CPPED1: variants seen among roughly 807,000 people sequenced by gnomAD.
CPPED1 encodes serine/threonine-protein phosphatase CPPED1.
In CPPED1, 28 loss-of-function variants were observed where a neutral mutation model predicts 28.0. That is an observed-to-expected ratio of 1.00 (90% CI 0.74 to 1.37). The LOEUF (loss-of-function observed/expected upper bound fraction) is 1.37. Ranked by LOEUF, CPPED1 falls within the 40% of genes most tolerant of loss-of-function variation. The pLI, the probability that CPPED1 is intolerant of heterozygous loss-of-function variation, is 0.00. For missense variants in CPPED1, 504 were observed against 416.5 expected (o/e 1.21, Z -1.83); for synonymous variants, 198 against 180.2 (o/e 1.10, Z -0.79).
chr16:12,720,761 C>A (rs756017103), intron 2 of CPPED1, among the ~76,000 whole-genome samples: 5 of 152,198 alleles, frequency 3.3e-5, no homozygotes, highest in African/African-American at 4.8e-5. Flanking sequence ...TACAGGCGTG[C>A]GCCATCGTGC....
At position 12,663,828 on chromosome 16, in the gene CPPED1, T is replaced by G. The variant is rs1353809247; in HGVS notation, c.*1058A>C. On this transcript the variant is annotated 3_prime_UTR_variant, in exon 4 of 4. Coordinates refer to ENST00000381774, the MANE Select transcript of CPPED1 (RefSeq NM_018340.3). ...GGCTGTAAAGGAGAAAATTGAGCAG[T>G]GGTCAGAAGCTGCTGAGAAGATGCG... 6.6e-6 allele frequency: 1 copy of G among 152,186 alleles called. No individual in the cohort carries two copies. The highest frequency in any genetic ancestry group is 2.4e-5 in the African/African-American group (1 of 41,440). 9.4% of individuals were successfully genotyped at this position (152,186 alleles called of 1,614,324 possible).
At chr16:12,706,669 G>A (rs929154839) in intron 2 of CPPED1, among the ~76,000 whole-genome samples, 2 of 151,976 alleles carry the variant, frequency 1.3e-5, no homozygotes, top group Non-Finnish European at 2.9e-5. Flanking sequence ...GGCAGCCCCA[G>A]GGCCAGCCTG....
At chr16:12,725,633 C>T (rs1325742057) in intron 2 of CPPED1, among the ~76,000 whole-genome samples, 1 of 152,066 alleles carries the variant, frequency 6.6e-6, no homozygotes, top group Non-Finnish European at 1.5e-5. Flanking sequence ...AGAAGGTCAG[C>T]CTGGGAACTG....
At chr16:12,774,613 T>C (rs1461218514) in intron 2 of CPPED1, among the ~76,000 whole-genome samples, 1 of 152,184 alleles carries the variant, frequency 6.6e-6, no homozygotes, top group Non-Finnish European at 1.5e-5. Flanking sequence ...CACATTGCTA[T>C]GGTTTAAATA....
chr16:12,739,625 G>C (rs911424569), intron 2 of CPPED1, among the ~76,000 whole-genome samples: 1 of 152,146 alleles, frequency 6.6e-6, no homozygotes, highest in Admixed American at 6.5e-5. Flanking sequence ...GGCTGCAAGA[G>C]TGGGGCAGAT....
chr16:12,739,581 CA>C (rs1185747612), intron 2 of CPPED1, among the ~76,000 whole-genome samples: 1 of 148,454 alleles, frequency 6.7e-6, no homozygotes, highest in African/African-American at 2.5e-5. Context: ...AACTCCATTT[CA>C]AAAAAAAAAG....
intron 1 of CPPED1, among the ~76,000 whole-genome samples, chr16:12,790,000 G>T (rs1567307385): frequency 1.3e-5 from 2 of 152,300 alleles, no homozygotes; most frequent in East Asian, 1.9e-4. Context: ...TTTCAAAACT[G>T]AGGGATAAAT....
At chr16:12,680,804 T>C (rs941475545) in intron 3 of CPPED1, among the ~76,000 whole-genome samples, 4 of 152,162 alleles carry the variant, frequency 2.6e-5, no homozygotes, top group Non-Finnish European at 5.9e-5. Flanking sequence ...TTCACTGTGA[T>C]GGGTCCACGT....
chr16:12,684,909 T>A (rs2079924637), intron 3 of CPPED1, among the ~76,000 whole-genome samples: 1 of 152,180 alleles, frequency 6.6e-6, no homozygotes, highest in Non-Finnish European at 1.5e-5. Flanking sequence ...TTAGTAGGTA[T>A]CCTGGAGGAG....
chr16:12,705,093 T>G, intron 2 of CPPED1, 44 bp from the exon 3 acceptor site: 3 of 1,532,680 alleles, frequency 2.0e-6, no homozygotes, highest in Non-Finnish European at 2.6e-6. Context: ...AGGGGCTTAT[T>G]CACTTGAAAT....
intron 1 of CPPED1, among the ~76,000 whole-genome samples, chr16:12,789,187 T>C (rs2080581501): frequency 6.6e-6 from 1 of 152,152 alleles, no homozygotes; most frequent in Admixed American, 6.5e-5. Flanking sequence ...TGGTTGTGCC[T>C]TCACATGGGG....
chr16:12,687,565 A>G (rs2079939896), intron 3 of CPPED1, among the ~76,000 whole-genome samples: 1 of 152,158 alleles, frequency 6.6e-6, no homozygotes, highest in Non-Finnish European at 1.5e-5. Context: ...GACATCAGGA[A>G]TTTGAGGCCA....
At chr16:12,767,157 G>C (rs1023555605) in intron 2 of CPPED1, among the ~76,000 whole-genome samples, 12 of 152,038 alleles carry the variant, frequency 7.9e-5, no homozygotes, top group South Asian at 2.1e-4. Context: ...GTAAGCCGGG[G>C]GTTTCATTCA....
At chr16:12,758,085 T>G (rs7193741) in intron 2 of CPPED1, among the ~76,000 whole-genome samples, 99,566 of 151,764 alleles carry the variant, frequency 0.66, 33,312 homozygotes, top group African/African-American at 0.77. Flanking sequence ...TCTCCCATAC[T>G]TTTCCTTCCT....
intron 1 of CPPED1, among the ~76,000 whole-genome samples, chr16:12,782,544 C>CTT (rs2080538182): frequency 9.9e-6 from 1 of 100,994 alleles, no homozygotes; most frequent in Non-Finnish European, 2.0e-5. Flanking sequence ...CACCTTGAGG[C>CTT]TGTTTTTTTT....
chr16:12,716,527 CT>C (rs1481663525), intron 2 of CPPED1, among the ~76,000 whole-genome samples: 1 of 152,206 alleles, frequency 6.6e-6, no homozygotes, highest in African/African-American at 2.4e-5. Flanking sequence ...CCTTTTTTTA[CT>C]TTAAGATTCC....
rs780863474 is a variant in CPPED1 at position 12,803,819 on chromosome 16, G to A, written c.-43C>T. On this transcript the variant is annotated 5_prime_UTR_variant, in exon 1 of 4. Coordinates refer to ENST00000381774, the MANE Select transcript of CPPED1 (RefSeq NM_018340.3). ...CCTTCACTTAGAACACTGCGTGGGT[G>A]GAAGCCGCGCGACTTCACACAGAAC... 19 of 1,554,582 alleles carry A rather than the reference G, an allele frequency of 1.2e-5. No individual in the cohort carries two copies. The highest frequency in any genetic ancestry group is 1.9e-5 in the Admixed American group (1 of 53,096).
chr16:12,736,315 G>A (rs374323757), intron 2 of CPPED1, among the ~76,000 whole-genome samples: 13 of 149,072 alleles, frequency 8.7e-5, no homozygotes, highest in African/African-American at 2.7e-4. Flanking sequence ...GCATGATCTT[G>A]GCTCACTGCA....
intron 2 of CPPED1, among the ~76,000 whole-genome samples, chr16:12,707,091 A>G (rs2080055586): frequency 6.6e-6 from 1 of 152,178 alleles, no homozygotes; most frequent in Non-Finnish European, 1.5e-5. Context: ...CTAAGACTCC[A>G]GTGTCTGGTT....
Sources: gnomAD v4.1 joint callset for allele counts (sites outside exome capture counted in the v4.1 genomes callset) on GRCh38, gnomAD v4.1.1 for gene constraint, MANE v1.5 for transcripts, NCBI Gene and HGNC (gene_info 2026-07-23, HGNC 2026-07-21) for gene names.